YAP1: variants seen among roughly 807,000 people sequenced by gnomAD.
YAP1 encodes the protein transcriptional coactivator YAP1.
A neutral mutation model predicts 56.9 loss-of-function variants in YAP1; 5 were observed. The observed-to-expected ratio is 0.09, with a 90% confidence interval of 0.05 to 0.18. YAP1 has a LOEUF of 0.18. YAP1 is among the 10% of genes least tolerant of loss of function. The probability of loss-of-function intolerance (pLI) is 1.00; values close to 1 mark genes in which losing one functional copy is unlikely to be tolerated. For synonymous variants in YAP1, 265 were observed against 248.1 expected, an observed-to-expected ratio of 1.07 and a Z score of -0.64; for missense variants, 539 against 651.8, an observed-to-expected ratio of 0.83 and a Z score of 1.88.
At chr11:102,223,021 G>T (rs1950016909) in intron 6 of YAP1, among the ~76,000 whole-genome samples, 1 of 151,880 alleles carries the variant, frequency 6.6e-6, no homozygotes, top group South Asian at 2.1e-4. Context: ...CAAGGCGGGT[G>T]GATCACGAGG....
At chr11:102,132,300 T>C (rs1944410080) in intron 2 of YAP1, among the ~76,000 whole-genome samples, 1 of 152,212 alleles carries the variant, frequency 6.6e-6, no homozygotes, top group Non-Finnish European at 1.5e-5. Flanking sequence ...AAAGGTTTTC[T>C]GGTAAAACCA....
At chr11:102,219,275 G>C (rs796536705) in intron 6 of YAP1, among the ~76,000 whole-genome samples, 5 of 152,248 alleles carry the variant, frequency 3.3e-5, no homozygotes, top group African/African-American at 1.2e-4. Context: ...GGAATTTTAA[G>C]TTGTTTTATG....
chr11:102,188,095 C>G (rs2135518281), intron 4 of YAP1, among the ~76,000 whole-genome samples: 1 of 152,282 alleles, frequency 6.6e-6, no homozygotes, highest in Middle Eastern at 3.4e-3. Context: ...AAGCTGTTAG[C>G]TGCTGGATTT....
intron 2 of YAP1, among the ~76,000 whole-genome samples, chr11:102,150,624 T>G (rs1290385075): frequency 6.6e-6 from 1 of 152,082 alleles, no homozygotes; most frequent in Non-Finnish European, 1.5e-5. Flanking sequence ...AGCCCCCACA[T>G]GTCTATAGCA....
chr11:102,126,183 A>C (rs1212193497), intron 2 of YAP1, among the ~76,000 whole-genome samples: 1 of 152,092 alleles, frequency 6.6e-6, no homozygotes, highest in African/African-American at 2.4e-5. Context: ...ATTTTTGTGA[A>C]TCCAGTTTAT....
At position 102,114,176 on chromosome 11, in the gene YAP1, G is replaced by C; in HGVS notation, c.354G>C (p.Leu118=). 1 of 1,613,920 alleles carries C rather than the reference G, an allele frequency of 6.2e-7. No homozygotes were observed. Among genetic ancestry groups the C allele is most frequent in the South Asian group, 1.1e-5 (1 of 91,066 alleles). ...CTGATGCAGGCACTGCAGGAGCCCT[G>C]ACTCCACAGCATGTTCGAGCTCATT... ...ASTDAGTAGA[L]TPQHVRAHSS... The change falls in exon 2 of 9, where the codon CTG becomes CTC. Residue 118 remains leucine (L), a synonymous_variant. Transcript: ENST00000282441.
At chr11:102,152,405 C>T (rs957921319) in intron 2 of YAP1, among the ~76,000 whole-genome samples, 4 of 152,148 alleles carry the variant, frequency 2.6e-5, no homozygotes, top group East Asian at 1.9e-4. Context: ...AGTGGCCATG[C>T]GACTTTCACT....
Position 102,231,784 on chromosome 11 carries a change from TCTC to T in YAP1, c.*1847_*1849del, listed in dbSNP as rs975423554. The T allele has an allele frequency of 2.3e-4, 35 of 152,676 alleles. No homozygotes were observed. Among genetic ancestry groups the T allele is most frequent in the African/African-American group, 8.2e-4 (34 of 41,558 alleles). The allele number at this position is 152,676 out of a possible 1,614,324, so 9.5% of individuals were successfully genotyped here. A position where few individuals can be genotyped will look rare whatever the true frequency, so the allele number is the denominator to read the frequency against. On this transcript the variant is annotated 3_prime_UTR_variant, in exon 9 of 9. Coordinates refer to ENST00000282441, the MANE Select transcript of YAP1 (RefSeq NM_001130145.3). ...GGTTCATAACAGGCATAAAATCTCT[TCTC>T]CTGGCAAAAGCTGCTATGAAAAGCC...
rs1950485964 is a variant in YAP1 at position 102,233,204 on chromosome 11, AGT to A, written c.*3265_*3266del. On this transcript the variant is annotated 3_prime_UTR_variant, in exon 9 of 9. Transcript: ENST00000282441. ...ACAATTGTTTTCTGTATCTTGAAAAAGTATTCTCCACATTTTAAATGTTTTAT... is the reference window on the plus strand; with the variant it reads ...ACAATTGTTTTCTGTATCTTGAAAAAATTCTCCACATTTTAAATGTTTTAT... 3 of 152,244 alleles carry A rather than the reference AGT, an allele frequency of 2.0e-5. No individual in the cohort carries two copies. Among genetic ancestry groups the A allele is most frequent in the Non-Finnish European group, 4.4e-5 (3 of 68,046 alleles). 9.4% of individuals were successfully genotyped at this position (152,244 alleles called of 1,614,324 possible).
At chr11:102,224,798 T>C (rs1950115355) in intron 7 of YAP1, among the ~76,000 whole-genome samples, 1 of 152,260 alleles carries the variant, frequency 6.6e-6, no homozygotes, top group Non-Finnish European at 1.5e-5. Context: ...TAAGTGTATT[T>C]ATATAAGATT....
At chr11:102,179,978 T>TA (rs1947487984) in intron 3 of YAP1, among the ~76,000 whole-genome samples, 1 of 151,430 alleles carries the variant, frequency 6.6e-6, no homozygotes, top group South Asian at 2.1e-4. Context: ...GGATTTTAAT[T>TA]ACATTCATTT....
intron 4 of YAP1, among the ~76,000 whole-genome samples, chr11:102,192,643 C>T (rs542752618): frequency 8.8e-4 from 134 of 152,316 alleles, no homozygotes; most frequent in African/African-American, 3.1e-3. Flanking sequence ...CTGGATTAGA[C>T]TGGATGCTCT....
intron 4 of YAP1, among the ~76,000 whole-genome samples, chr11:102,191,308 C>CT (rs1339269336): frequency 6.6e-6 from 1 of 152,020 alleles, no homozygotes; most frequent in Non-Finnish European, 1.5e-5. Context: ...CCCTGGCCCG[C>CT]TAAGTGCCAT....
At chr11:102,225,863 A>G (rs1041724817) in intron 7 of YAP1, among the ~76,000 whole-genome samples, 7 of 152,182 alleles carry the variant, frequency 4.6e-5, no homozygotes, top group Admixed American at 1.3e-4. Context: ...TTTATCCTCA[A>G]AGCCTAGTCT....
chr11:102,162,242 G>C (rs1034462229), intron 2 of YAP1, among the ~76,000 whole-genome samples: 1 of 152,132 alleles, frequency 6.6e-6, no homozygotes, highest in African/African-American at 2.4e-5. Flanking sequence ...AACTTTTTCA[G>C]ATGTTGCACT....
At chr11:102,204,824 G>A (rs73583920) in intron 4 of YAP1, among the ~76,000 whole-genome samples, 2,462 of 152,218 alleles carry the variant, frequency 0.016, 75 homozygotes, top group African/African-American at 0.056. Context: ...GTGTTGGAAA[G>A]TATTCTTTCC....
intron 4 of YAP1, among the ~76,000 whole-genome samples, chr11:102,204,361 A>G (rs1373280037): frequency 2.0e-5 from 3 of 152,174 alleles, no homozygotes; most frequent in Non-Finnish European, 4.4e-5. Flanking sequence ...TTCAGCGCAC[A>G]CTTTGTGCCA....
intron 6 of YAP1, among the ~76,000 whole-genome samples, chr11:102,213,520 G>A (rs1411848785): frequency 2.6e-5 from 4 of 152,024 alleles, no homozygotes; most frequent in African/African-American, 7.2e-5. Context: ...CTTAATATCT[G>A]GGGTTCCCTA....
At chr11:102,219,814 A>T (rs372921937) in intron 6 of YAP1, among the ~76,000 whole-genome samples, 11 of 151,980 alleles carry the variant, frequency 7.2e-5, no homozygotes, top group African/African-American at 2.4e-4. Context: ...CCTAGGCTGG[A>T]GTGCAGTGGC....
Sources: gnomAD v4.1 joint callset for allele counts (sites outside exome capture counted in the v4.1 genomes callset) on GRCh38, gnomAD v4.1.1 for gene constraint, MANE v1.5 for transcripts, NCBI Gene and HGNC (gene_info 2026-07-23, HGNC 2026-07-21) for gene names.